CCPG1: variants seen among roughly 807,000 people sequenced by gnomAD.
CCPG1 encodes the protein cell cycle progression protein 1.
A neutral mutation model predicts 81.3 loss-of-function variants in CCPG1; 46 were observed. That is an observed-to-expected ratio of 0.57 (90% CI 0.45 to 0.72). CCPG1 has a LOEUF of 0.72. Among genes scored for constraint, CCPG1 ranks in the 30% least tolerant of loss-of-function variants. The pLI, the probability that CCPG1 is intolerant of heterozygous loss-of-function variation, is 0.00. For missense variants in CCPG1, 902 were observed against 937.6 expected (o/e 0.96, Z 0.50); for synonymous variants, 330 against 305.2 (o/e 1.08, Z -0.85).
chr15:55,357,056 A>C, intron 8 of CCPG1: 4 of 985,458 alleles, frequency 4.1e-6, no homozygotes, highest in Non-Finnish European at 4.8e-6. Context: ...AACCCCATGG[A>C]TGTTGGTGTT....
chr15:55,371,793 C>T lies in CCPG1; in HGVS notation c.706G>A (p.Gly236Ser). ...AISMGFGHFY[G>S]TIQIQKRQQL... ...GTATAACACATTTTTGAGTACTTAC[C>T]ATAGAAATGGCCAAATCCCATGCTG... The change falls in exon 6 of 9, where the codon GGC becomes AGC. Residue 236 changes from glycine to serine, a missense_variant and splice_region_variant. Coordinates refer to ENST00000442196, the MANE Select transcript of CCPG1 (RefSeq NM_001204450.2). The T allele has an allele frequency of 1.2e-6, 2 of 1,612,944 alleles. No homozygotes were observed. Among genetic ancestry groups the T allele is most frequent in the Non-Finnish European group, 1.7e-6 (2 of 1,179,042 alleles).
intron 1 of CCPG1, among the ~76,000 whole-genome samples, chr15:55,407,242 A>ATTT (rs386364494): frequency 3.5e-5 from 5 of 144,662 alleles, no homozygotes; most frequent in Non-Finnish European, 7.8e-5. Context: ...AAAAAAAAAA[A>ATTT]TATGAATTAA....
Position 55,360,466 on chromosome 15 carries a change from C to T in CCPG1, c.1307G>A (p.Arg436Gln), listed in dbSNP as rs17857026. ...ILRERLTELE[R>Q]KLTFEQQRSD... ...ACGCTGCTGTTCGAAGGTTAGCTTCCGTTCCAGCTCAGTGAGTCTTTCCCG... is the reference window on the plus strand; with the variant it reads ...ACGCTGCTGTTCGAAGGTTAGCTTCTGTTCCAGCTCAGTGAGTCTTTCCCG... Residue 436 changes from arginine (R) to glutamine (Q), a missense_variant, in exon 8 of 9, where the codon CGG (arginine) becomes CAG (glutamine). Coordinates refer to ENST00000442196, the MANE Select transcript of CCPG1 (RefSeq NM_001204450.2). 3.7e-6 allele frequency: 6 copies of T among 1,613,958 alleles called. No homozygotes were observed. Among genetic ancestry groups the T allele is most frequent in the East Asian group, 2.2e-5 (1 of 44,890 alleles).
rs1284008627 is a variant in CCPG1 at position 55,378,333 on chromosome 15, A to G, written c.219T>C (p.Tyr73=). 1.2e-6 allele frequency: 2 copies of G among 1,612,112 alleles called. No homozygotes were observed. The highest frequency in any genetic ancestry group is 3.3e-5 in the Admixed American group (2 of 59,934). The change falls in exon 4 of 9, where the codon TAT becomes TAC. Residue 73 remains tyrosine, a synonymous_variant. Transcript: ENST00000442196. ...NGTVLMEETA[Y]PALEETSSTI... is the part of the protein sequence containing the mutation. Reference sequence around the variant, plus strand: ...TTGAGCTGGTTTCCTCCAAAGCTGGATAAGCAGTTTCTTCCATAAGCACTG... The same window carrying G: ...TTGAGCTGGTTTCCTCCAAAGCTGGGTAAGCAGTTTCTTCCATAAGCACTG...
intron 1 of CCPG1, among the ~76,000 whole-genome samples, chr15:55,406,904 C>G (rs1180891389): frequency 1.3e-5 from 2 of 152,114 alleles, no homozygotes; most frequent in African/African-American, 4.8e-5. Flanking sequence ...ATTCCGCCCT[C>G]AGCGTAAAAG....
intron 1 of CCPG1, among the ~76,000 whole-genome samples, chr15:55,402,389 G>C (rs569146111): frequency 7.9e-5 from 12 of 152,182 alleles, no homozygotes; most frequent in Non-Finnish European, 1.2e-4. Context: ...CACCAAGTCA[G>C]GCTAATTTTT....
intron 3 of CCPG1, among the ~76,000 whole-genome samples, chr15:55,381,143 CAA>C (rs1215280956): frequency 7.0e-6 from 1 of 142,718 alleles, no homozygotes; most frequent in Non-Finnish European, 1.5e-5. Flanking sequence ...TCTCAAAAAA[CAA>C]AAAAATTAGG....
chr15:55,407,045 C>A (rs1388349333), intron 1 of CCPG1, among the ~76,000 whole-genome samples: 1 of 133,620 alleles, frequency 7.5e-6, no homozygotes, highest in Non-Finnish European at 1.5e-5. Context: ...AGACCCCCCC[C>A]CCCGCCCCGC....
chr15:55,403,617 A>T (rs1252998153), intron 1 of CCPG1, among the ~76,000 whole-genome samples: 1 of 152,228 alleles, frequency 6.6e-6, no homozygotes, highest in Non-Finnish European at 1.5e-5. Context: ...TAGAACTCAA[A>T]TTGAGAGAAA....
chr15:55,395,756 T>G (rs2057004662), intron 1 of CCPG1, among the ~76,000 whole-genome samples: 1 of 152,152 alleles, frequency 6.6e-6, no homozygotes. Context: ...CAGCCTATAA[T>G]GTATTCCCAA....
At chr15:55,373,062 T>C (rs778503394) in intron 5 of CCPG1, 1 of 525,728 alleles carries the variant, frequency 1.9e-6, no homozygotes, top group South Asian at 1.5e-5. Flanking sequence ...ATTCTGGTGC[T>C]GCTCCTTTAT....
intron 8 of CCPG1, chr15:55,358,710 T>G (rs568105547): frequency 1.0e-6 from 1 of 985,458 alleles, no homozygotes; most frequent in Non-Finnish European, 1.2e-6. Flanking sequence ...CTTAATTTCA[T>G]TTATTTACTT....
chr15:55,372,047 A>G lies in CCPG1; in HGVS notation c.455-3T>C. On this transcript the variant is annotated splice_region_variant and splice_polypyrimidine_tract_variant and intron_variant, in intron 5 of 8. Coordinates refer to ENST00000442196, the MANE Select transcript of CCPG1 (RefSeq NM_001204450.2). The stretch of plus-strand genomic sequence containing the variant: ...GTCACTAGGCTGAGATGAAAATACT[A>G]TTAAGAAAAAAGTTGACATTTAGCT... The G allele has an allele frequency of 1.2e-6, 2 of 1,608,562 alleles. No homozygotes were observed. Among genetic ancestry groups the G allele is most frequent in the East Asian group, 2.2e-5 (1 of 44,824 alleles).
Position 55,359,747 on chromosome 15 carries a change from C to T in CCPG1, c.2026G>A (p.Glu676Lys). The T allele has an allele frequency of 1.9e-6, 3 of 1,613,340 alleles. No homozygotes were observed. The highest frequency in any genetic ancestry group is 2.2e-5 in the South Asian group (2 of 91,036). ...AACTTATTGATGAACTGATCAAGTT[C>T]GTTCCAGTGACAAAAAGTATCCAGT... ...KELDTFCHWNELDQFINKFFL... is the reference protein window; with the variant it reads ...KELDTFCHWNKLDQFINKFFL... Residue 676 changes from glutamate to lysine, a missense_variant, in exon 8 of 9, where the codon GAA (glutamate) becomes AAA (lysine). Transcript: ENST00000442196.
intron 1 of CCPG1, among the ~76,000 whole-genome samples, chr15:55,396,257 G>T (rs2057015918): frequency 6.6e-6 from 1 of 151,762 alleles, no homozygotes. Context: ...CCCATTTTAA[G>T]AGCTTTACTA....
intron 8 of CCPG1, chr15:55,357,932 A>G (rs1031514361): frequency 2.0e-5 from 3 of 152,242 alleles, no homozygotes; most frequent in Non-Finnish European, 4.4e-5. Context: ...GTTCTGCTCC[A>G]TCCCACATGG....
intron 5 of CCPG1, among the ~76,000 whole-genome samples, chr15:55,374,734 G>A (rs1425869251): frequency 6.6e-6 from 1 of 152,168 alleles, no homozygotes; most frequent in Non-Finnish European, 1.5e-5. Context: ...GGGTTCAAGA[G>A]ATTCTCCTGC....
intron 1 of CCPG1, among the ~76,000 whole-genome samples, chr15:55,395,888 G>A (rs2057007067): frequency 6.6e-6 from 1 of 152,112 alleles, no homozygotes; most frequent in Non-Finnish European, 1.5e-5. Context: ...GGGTGCGGTG[G>A]CTCACACCTG....
Position 55,375,610 on chromosome 15 carries a change from C to T in CCPG1, c.454+1339G>A, listed in dbSNP as rs531599975. 5.3e-5 allele frequency among the ~76,000 whole-genome samples: 8 copies of T among 152,042 alleles called. No homozygotes were observed. In the South Asian group the frequency reaches 6.2e-4, roughly 12 times the overall value. On this transcript the variant is annotated intron_variant, in intron 5 of 8. Transcript: ENST00000442196. Reference sequence around the variant, plus strand: ...CAAATAGCTGGAAAAAGTGTTTTCACGTTCATGTTTATAGGCAAACCACTG... The same window carrying T: ...CAAATAGCTGGAAAAAGTGTTTTCATGTTCATGTTTATAGGCAAACCACTG...
Sources: allele counts gnomAD v4.1 joint callset (sites outside exome capture counted in the v4.1 genomes callset), GRCh38; gene constraint gnomAD v4.1.1; transcripts MANE v1.5; gene names NCBI Gene and HGNC (gene_info 2026-07-23, HGNC 2026-07-21).